The following PPP1CA variants were observed in gnomAD, a reference collection of about 807,000 sequenced individuals.
The protein encoded by PPP1CA is protein phosphatase 1 catalytic subunit alpha, also known as serine/threonine-protein phosphatase PP1-alpha catalytic subunit.
In PPP1CA, 14 loss-of-function variants were observed where a neutral mutation model predicts 38.5. The observed-to-expected ratio is 0.36, with a 90% confidence interval of 0.24 to 0.57. PPP1CA has a LOEUF of 0.57. Among genes scored for constraint, PPP1CA ranks in the 20% least tolerant of loss-of-function variants. The pLI is 0.80. For synonymous variants in PPP1CA, 200 were observed against 177.3 expected (o/e 1.13, Z -1.02); for missense variants, 277 against 435.2 (o/e 0.64, Z 3.23).
chr11:67,399,200 G>A (rs1862824748), intron 4 of PPP1CA, 37 bp from the exon 5 acceptor site: 2 of 1,577,800 alleles, frequency 1.3e-6, no homozygotes, highest in South Asian at 1.1e-5. Flanking sequence ...CTCAAACAAG[G>A]ACATCCTCCC....
At position 67,401,175 on chromosome 11, in the gene PPP1CA, T is replaced by G; in HGVS notation, c.80A>C (p.Asn27Thr). Residue 27 changes from asparagine (N) to threonine (T), a missense_variant, in exon 2 of 7, where the codon AAT (asparagine) becomes ACT (threonine). Physicochemically the swap from Asn to Thr is moderately conservative, Grantham distance 65. Transcript: ENST00000376745. ...LEVQGSRPGK[N>T]VQLTENEIRG... is the part of the protein sequence containing the mutation. ...GATCTCGTTCTCTGTCAGCTGTACA[T>G]TCTTGCCAGGCCGCGAGCCCTGCAC... 1 of 1,613,914 alleles carries G rather than the reference T, an allele frequency of 6.2e-7. No individual in the cohort carries two copies. Among genetic ancestry groups the G allele is most frequent in the Non-Finnish European group, 8.5e-7 (1 of 1,179,998 alleles).
Position 67,398,609 on chromosome 11 carries a change from C to T in PPP1CA, c.919G>A (p.Gly307Arg), listed in dbSNP as rs776485148. 21 of 1,613,996 alleles carry T rather than the reference C, an allele frequency of 1.3e-5. No individual in the cohort carries two copies. The highest frequency in any genetic ancestry group is 1.6e-5 in the Non-Finnish European group (19 of 1,180,014). Residue 307 changes from glycine (G) to arginine (R), a missense_variant, in exon 7 of 7, where the codon GGG (glycine) becomes AGG (arginine). This residue lies in a region of PPP1CA where 53 missense variants were observed against 51.1 expected (regional missense o/e 1.04). Coordinates refer to ENST00000376745, the MANE Select transcript of PPP1CA (RefSeq NM_002708.4). ...CCAGGGTTCAGGCCACTGAACTGCC[C>T]GTACTTCCCCTTGTTCTTGTCGGCG... ...KPADKNKGKY[G>R]QFSGLNPGGR...
chr11:67,399,576 A>G lies in PPP1CA; in HGVS notation c.508T>C (p.Phe170Leu). The change falls in exon 4 of 7, where the codon TTC becomes CTC. Residue 170 changes from phenylalanine to leucine, a missense_variant. Phe to Leu is a conservative substitution (Grantham distance 22). Around this residue, in one of 3 missense-constraint regions of PPP1CA, gnomAD observed 180 missense variants for 356.7 expected, o/e 0.50. Transcript: ENST00000376745. ...PIAAIVDEKIFCCHGGLSPDL... is the reference protein window; with the variant it reads ...PIAAIVDEKILCCHGGLSPDL... ...CCTCCCTCACCTCCGTGGCAGCAGA[A>G]GATCTTTTCGTCCACTATGGCCGCG... is the stretch of plus-strand genomic sequence containing the variant. The G allele has an allele frequency of 6.2e-7, 1 of 1,614,088 alleles. No individual in the cohort carries two copies. The highest frequency in any genetic ancestry group is 8.5e-7 in the Non-Finnish European group (1 of 1,179,976).
intron 3 of PPP1CA, among the ~76,000 whole-genome samples, chr11:67,400,384 G>A (rs763614329): frequency 1.3e-5 from 2 of 152,246 alleles, no homozygotes; most frequent in African/African-American, 2.4e-5. Context: ...GTTTATCTCA[G>A]CTTCTGGACA....
At chr11:67,401,617 G>A in intron 1 of PPP1CA, 111 bp downstream of exon 1, 1 of 1,009,070 alleles carries the variant, frequency 9.9e-7, no homozygotes, top group Non-Finnish European at 1.3e-6. Flanking sequence ...GAACCTCGCT[G>A]CCCGTCCCCG....
chr11:67,401,626 C>T (rs956803042), intron 1 of PPP1CA, 102 bp downstream of exon 1: 3 of 1,074,614 alleles, frequency 2.8e-6, no homozygotes, highest in Non-Finnish European at 3.6e-6. Flanking sequence ...TGCCCGTCCC[C>T]GCCCAGTCTA....
chr11:67,398,990 C>T lies in PPP1CA; in HGVS notation c.697G>A (p.Ala233Thr). ...VSFTFGAEVV[A>T]KFLHKHDLDL... ...AAGTCGTGCTTGTGGAGGAACTTGG[C>T]CACCACCTCGGCTCCAAAGGTAAAA... Residue 233 changes from alanine (A) to threonine (T), a missense_variant, in exon 5 of 7, where the codon GCC becomes ACC. This residue lies in a region of PPP1CA where 180 missense variants were observed against 356.7 expected (regional missense o/e 0.50). Transcript: ENST00000376745. 1 of 1,613,402 alleles carries T rather than the reference C, an allele frequency of 6.2e-7. No homozygotes were observed. The highest frequency in any genetic ancestry group is 1.7e-5 in the Admixed American group (1 of 60,022).
chr11:67,401,686 G>A, intron 1 of PPP1CA, 42 bp downstream of exon 1: 3 of 1,359,074 alleles, frequency 2.2e-6, no homozygotes, highest in South Asian at 1.7e-5. Flanking sequence ...CGGGCAGGGG[G>A]CCAGGGCGCG....
At chr11:67,401,392 G>T (rs1156608167) in intron 1 of PPP1CA, 193 bp from the exon 2 acceptor site, 2 of 920,556 alleles carry the variant, frequency 2.2e-6, no homozygotes, top group Non-Finnish European at 3.2e-6. Flanking sequence ...TACCCTCAGC[G>T]CCTCGGGAGG....
Position 67,398,659 on chromosome 11 carries a change from T to C in PPP1CA, c.883-14A>G. ...GGGCTTGAGGATCTAAAAGAGACAG[T>C]GTTGGTCAGGCTCATGGGGCTGAGC... On this transcript the variant is annotated splice_polypyrimidine_tract_variant and intron_variant, in intron 6 of 6. Transcript: ENST00000376745. 1 of 1,613,874 alleles carries C rather than the reference T, an allele frequency of 6.2e-7. No individual in the cohort carries two copies. The highest frequency in any genetic ancestry group is 8.5e-7 in the Non-Finnish European group (1 of 1,179,858).
chr11:67,399,516 G>C lies in PPP1CA; in HGVS notation c.523+45C>G, dbSNP rs548264883. 3 of 1,554,022 alleles carry C rather than the reference G, an allele frequency of 1.9e-6. No homozygotes were observed. In the African/African-American group the frequency reaches 4.1e-5, roughly 21 times the overall value. ...CCTAAGGAGAGCTGCCGGGTGCTGA[G>C]GGATGCGGCCAGTGCTCCTCCTCCC... On this transcript the variant is annotated intron_variant, in intron 4 of 6. Coordinates refer to ENST00000376745, the MANE Select transcript of PPP1CA (RefSeq NM_002708.4).
chr11:67,401,033 T>C (rs759157106), intron 2 of PPP1CA, 35 bp downstream of exon 2: 4 of 1,612,120 alleles, frequency 2.5e-6, no homozygotes, highest in South Asian at 1.1e-5. Context: ...AGTGCCACTT[T>C]TAGGAAGGCA....
In PPP1CA at chr11:67,399,127, C is replaced by T. The variant is rs1429835614; in HGVS notation, c.560G>A (p.Arg187Gln). 2.5e-6 allele frequency: 4 copies of T among 1,613,502 alleles called. No homozygotes were observed. The highest frequency in any genetic ancestry group is 3.4e-6 in the Non-Finnish European group (4 of 1,180,012). Residue 187 changes from arginine to glutamine, a missense_variant, in exon 5 of 7, where the codon CGG (arginine) becomes CAG (glutamine). Arg to Gln is a conservative substitution (Grantham distance 43). Coordinates refer to ENST00000376745, the MANE Select transcript of PPP1CA (RefSeq NM_002708.4). ...CACATCTGTGGGCCGCATGATCCGC[C>T]GAATCTGCTCCATAGACTGCAGGTC... Reference protein sequence around the residue: ...SPDLQSMEQIRRIMRPTDVPD... With the variant: ...SPDLQSMEQIQRIMRPTDVPD...
chr11:67,401,803 C>T lies in PPP1CA; in HGVS notation c.-21G>A. 1.4e-6 allele frequency: 2 copies of T among 1,460,724 alleles called. No individual in the cohort carries two copies. The highest frequency in any genetic ancestry group is 1.8e-6 in the Non-Finnish European group (2 of 1,096,770). The allele number at this position is 1,460,724 out of a possible 1,614,324, so 90.5% of individuals were successfully genotyped here. On this transcript the variant is annotated 5_prime_UTR_variant, in exon 1 of 7. Transcript: ENST00000376745. ...GACATGGCGGCGCCGCCGCTCCAGCCCAGCAGCTCCTGGCCCGCTCCTGCC... is the reference window on the plus strand; with the variant it reads ...GACATGGCGGCGCCGCCGCTCCAGCTCAGCAGCTCCTGGCCCGCTCCTGCC...
chr11:67,401,279 C>T (rs1554982989), intron 1 of PPP1CA, 80 bp from the exon 2 acceptor site: 1 of 1,594,614 alleles, frequency 6.3e-7, no homozygotes, highest in Non-Finnish European at 8.6e-7. Context: ...TGGATACCTC[C>T]GGGGGCGCCT....
Position 67,399,127 on chromosome 11 carries a change from C to G in PPP1CA, c.560G>C (p.Arg187Pro). Residue 187 changes from arginine to proline, a missense_variant, in exon 5 of 7, where the codon CGG becomes CCG. Transcript: ENST00000376745. Reference protein sequence around the residue: ...SPDLQSMEQIRRIMRPTDVPD... With the variant: ...SPDLQSMEQIPRIMRPTDVPD... ...CACATCTGTGGGCCGCATGATCCGC[C>G]GAATCTGCTCCATAGACTGCAGGTC... is the stretch of plus-strand genomic sequence containing the variant. 6.2e-7 allele frequency: 1 copy of G among 1,613,502 alleles called. No individual in the cohort carries two copies. Among genetic ancestry groups the G allele is most frequent in the Non-Finnish European group, 8.5e-7 (1 of 1,180,012 alleles).
chr11:67,401,054 G>C lies in PPP1CA; in HGVS notation c.187+14C>G. The C allele has an allele frequency of 6.2e-7, 1 of 1,613,472 alleles. No homozygotes were observed. Among genetic ancestry groups the C allele is most frequent in the Non-Finnish European group, 8.5e-7 (1 of 1,179,772 alleles). On this transcript the variant is annotated intron_variant, in intron 2 of 6. Coordinates refer to ENST00000376745, the MANE Select transcript of PPP1CA (RefSeq NM_002708.4). The stretch of plus-strand genomic sequence containing the variant: ...ACTTTTAGGAAGGCAAGGGGACCTG[G>C]GCCGGGGGCTCACCGCAGATCTTGA...
rs1268181440 is a variant in PPP1CA at position 67,399,129 on chromosome 11, A to G, written c.558T>C (p.Ile186=). Residue 186 remains isoleucine, a synonymous_variant, in exon 5 of 7, where the codon ATT becomes ATC. Transcript: ENST00000376745. ...LSPDLQSMEQ[I]RRIMRPTDVP... is the part of the protein sequence containing the mutation. ...CATCTGTGGGCCGCATGATCCGCCG[A>G]ATCTGCTCCATAGACTGCAGGTCCG... 1.9e-6 allele frequency: 3 copies of G among 1,613,474 alleles called. No individual in the cohort carries two copies. In the East Asian group the frequency reaches 6.7e-5, roughly 36 times the overall value.
chr11:67,400,306 C>A (rs187009812), intron 3 of PPP1CA, among the ~76,000 whole-genome samples: 12 of 152,344 alleles, frequency 7.9e-5, no homozygotes, highest in African/African-American at 2.6e-4. Flanking sequence ...AAGTTCCAAT[C>A]TGGACCAGCC....
Sources: gnomAD v4.1 joint callset for allele counts (sites outside exome capture counted in the v4.1 genomes callset) on GRCh38, gnomAD v4.1.1 for gene constraint, gnomAD v4.1.1 regional missense constraint, MANE v1.5 for transcripts, NCBI Gene and HGNC (gene_info 2026-07-23, HGNC 2026-07-21) for gene names.